Variants in TBC1D1 observed in about 807,000 individuals in gnomAD.
TBC1D1 encodes the protein TBC1 (tre-2/USP6, BUB2, cdc16) domain family, member 1.
A neutral mutation model predicts 125.6 loss-of-function variants in TBC1D1; 89 were observed. The observed-to-expected ratio is 0.71, with a 90% CI of 0.60 to 0.85. The LOEUF (loss-of-function observed/expected upper bound fraction) is 0.85. Among genes scored for constraint, TBC1D1 ranks in the 40% least tolerant of loss-of-function variants. The probability of loss-of-function intolerance (pLI) is 0.00; values close to 1 mark genes in which losing one functional copy is unlikely to be tolerated. For missense variants in TBC1D1, 1,377 were observed against 1,469.2 expected (o/e 0.94, Z 1.03); for synonymous variants, 565 against 564.1 (o/e 1.00, Z -0.02).
At chr4:38,133,020 G>T in intron 18 of TBC1D1, 64 bp from the exon 21 acceptor site, 2 of 1,480,686 alleles carry the variant, frequency 1.4e-6, no homozygotes, top group South Asian at 1.3e-5. Flanking sequence ...GATTGCAGAC[G>T]CCTGCCTGTA....
intron 10 of TBC1D1, among the ~76,000 whole-genome samples, chr4:38,046,137 G>A (rs1365515472): frequency 6.6e-6 from 1 of 152,098 alleles, no homozygotes; most frequent in African/African-American, 2.4e-5. Context: ...AGGCGGACGC[G>A]GGCGGATCAT....
chr4:38,127,970 C>T (rs189831969), intron 18 of TBC1D1, among the ~76,000 whole-genome samples: 124 of 152,186 alleles, frequency 8.1e-4, no homozygotes, highest in African/African-American at 1.3e-3. Flanking sequence ...TCGGCCTTTG[C>T]AGCACAAACA....
chr4:37,895,558 G>A (rs1226528065), intron 1 of TBC1D1, among the ~76,000 whole-genome samples: 1 of 152,132 alleles, frequency 6.6e-6, no homozygotes, highest in Admixed American at 6.5e-5. Context: ...ACAAAGATCA[G>A]CCGGGCATGG....
At chr4:38,024,116 AC>A (rs1208293531) in intron 6 of TBC1D1, among the ~76,000 whole-genome samples, 1 of 152,260 alleles carries the variant, frequency 6.6e-6, no homozygotes, top group African/African-American at 2.4e-5. Context: ...TTGTAGCATT[AC>A]AGTGCTCTTT....
chr4:37,927,105 C>T (rs1219288581), intron 2 of TBC1D1, among the ~76,000 whole-genome samples: 1 of 151,396 alleles, frequency 6.6e-6, no homozygotes, highest in Non-Finnish European at 1.5e-5. Flanking sequence ...GGGGACAGAG[C>T]GAAACTCTGT....
intron 2 of TBC1D1, among the ~76,000 whole-genome samples, chr4:37,972,676 C>A (rs1043833226): frequency 6.6e-6 from 1 of 151,760 alleles, no homozygotes; most frequent in Non-Finnish European, 1.5e-5. Flanking sequence ...GAAGCCGAGG[C>A]GGGCGGGTCA....
chr4:37,914,617 T>C (rs1719319162), intron 2 of TBC1D1, among the ~76,000 whole-genome samples: 1 of 152,206 alleles, frequency 6.6e-6, no homozygotes. Flanking sequence ...TAAAACCCAA[T>C]GAAATCATGC....
At chr4:37,981,291 A>G (rs1257317663) in intron 2 of TBC1D1, among the ~76,000 whole-genome samples, 1 of 152,194 alleles carries the variant, frequency 6.6e-6, no homozygotes, top group Admixed American at 6.5e-5. Flanking sequence ...TTAATATTTT[A>G]TGTAAAACCA....
chr4:38,074,134 C>T (rs1755167878), intron 12 of TBC1D1, among the ~76,000 whole-genome samples: 2 of 152,318 alleles, frequency 1.3e-5, no homozygotes, highest in South Asian at 2.1e-4. Context: ...CTTGATGCTC[C>T]TGCCCCATCC....
At chr4:38,069,774 G>A (rs975998011) in intron 12 of TBC1D1, among the ~76,000 whole-genome samples, 4 of 152,204 alleles carry the variant, frequency 2.6e-5, no homozygotes, top group Admixed American at 2.6e-4. Context: ...GGGAGAGGTG[G>A]GGGAAGTATG....
intron 2 of TBC1D1, among the ~76,000 whole-genome samples, chr4:37,930,923 T>C (rs1209929003): frequency 2.0e-5 from 3 of 152,230 alleles, no homozygotes; most frequent in African/African-American, 2.4e-5. Context: ...AAAATCTTAC[T>C]GGATTATACT....
At chr4:37,974,893 C>T (rs1261629203) in intron 2 of TBC1D1, among the ~76,000 whole-genome samples, 1 of 152,188 alleles carries the variant, frequency 6.6e-6, no homozygotes, top group Non-Finnish European at 1.5e-5. Flanking sequence ...TATTCCTATG[C>T]ACCAGATAAA....
intron 2 of TBC1D1, among the ~76,000 whole-genome samples, chr4:37,985,155 A>G (rs1209292957): frequency 6.6e-6 from 1 of 152,044 alleles, no homozygotes; most frequent in Admixed American, 6.5e-5. Flanking sequence ...GGGTTTCACC[A>G]TGCTGGCCAG....
chr4:38,117,194 C>G (rs1450418932), intron 16 of TBC1D1, among the ~76,000 whole-genome samples: 1 of 152,180 alleles, frequency 6.6e-6, no homozygotes, highest in African/African-American at 2.4e-5. Flanking sequence ...ATTATCTGAG[C>G]CTCTGAAAAC....
chr4:37,967,932 A>T (rs1383328284), intron 2 of TBC1D1, among the ~76,000 whole-genome samples: 1 of 152,214 alleles, frequency 6.6e-6, no homozygotes, highest in Non-Finnish European at 1.5e-5. Context: ...CATGAATTTG[A>T]AACAAGCGCA....
chr4:38,031,198 T>C (rs1473997793), intron 7 of TBC1D1, among the ~76,000 whole-genome samples: 2 of 152,246 alleles, frequency 1.3e-5, no homozygotes, highest in African/African-American at 4.8e-5. Flanking sequence ...GTAAATAAAA[T>C]ATCTCCAAGT....
chr4:37,978,182 A>C (rs544566638), intron 2 of TBC1D1, among the ~76,000 whole-genome samples: 1 of 152,268 alleles, frequency 6.6e-6, no homozygotes, highest in Non-Finnish European at 1.5e-5. Context: ...ACAGGAAGGC[A>C]TAAGTGTAGA....
intron 2 of TBC1D1, among the ~76,000 whole-genome samples, chr4:37,946,382 C>T (rs1726699713): frequency 6.6e-6 from 1 of 152,168 alleles, no homozygotes; most frequent in Admixed American, 6.5e-5. Context: ...GATGGATTTG[C>T]TAAGTACCTG....
intron 11 of TBC1D1, 105 bp from the exon 13 acceptor site, chr4:38,053,001 C>T: frequency 1.2e-6 from 1 of 830,890 alleles, no homozygotes; most frequent in Non-Finnish European, 1.6e-6. Flanking sequence ...GTTTTCTTTT[C>T]TTAGCATTAG....
Sources: allele counts gnomAD v4.1 joint callset (sites outside exome capture counted in the v4.1 genomes callset), GRCh38; gene constraint gnomAD v4.1.1; transcripts MANE v1.5; gene names NCBI Gene and HGNC (gene_info 2026-07-23, HGNC 2026-07-21).